The following CYRIB variants were observed in gnomAD, a reference collection of about 807,000 sequenced individuals.
CYRIB encodes the protein CYFIP-related Rac1 interactor B.
A neutral mutation model predicts 44.2 loss-of-function variants in CYRIB; 8 were observed. The ratio of observed to expected loss-of-function variants is 0.18; its 90% confidence interval spans 0.11 to 0.33. The LOEUF (loss-of-function observed/expected upper bound fraction) is 0.33, where lower values mean the gene tolerates loss of function less well. CYRIB is among the 10% of genes least tolerant of loss of function. The probability of loss-of-function intolerance (pLI) is 1.00; values close to 1 mark genes in which losing one functional copy is unlikely to be tolerated. For missense variants in CYRIB, 185 were observed against 382.8 expected (o/e 0.48, Z 4.31); for synonymous variants, 131 against 127.2 (o/e 1.03, Z -0.20).
chr8:130,002,386 G>C (rs2096926950), intron 1 of CYRIB, among the ~76,000 whole-genome samples: 1 of 152,144 alleles, frequency 6.6e-6, no homozygotes, highest in Non-Finnish European at 1.5e-5. Flanking sequence ...ACCTGAGCCA[G>C]AGAGGTCGAG....
chr8:129,901,081 C>T (rs2071471618), intron 2 of CYRIB, among the ~76,000 whole-genome samples: 1 of 152,216 alleles, frequency 6.6e-6, no homozygotes, highest in Non-Finnish European at 1.5e-5. Flanking sequence ...TTTGGGACTA[C>T]AGCCTGGGAC....
At chr8:129,915,855 T>C (rs1218631914) in intron 1 of CYRIB, among the ~76,000 whole-genome samples, 2 of 152,168 alleles carry the variant, frequency 1.3e-5, no homozygotes, top group Non-Finnish European at 2.9e-5. Flanking sequence ...ATCTAATGCC[T>C]AGAGTCTCCA....
intron 1 of CYRIB, among the ~76,000 whole-genome samples, chr8:129,995,537 G>A (rs1012880361): frequency 3.3e-5 from 5 of 152,182 alleles, no homozygotes; most frequent in African/African-American, 9.7e-5. Flanking sequence ...GCCTGGCCTC[G>A]TGCTGGGCAC....
intron 2 of CYRIB, among the ~76,000 whole-genome samples, chr8:129,888,031 G>T (rs1215431189): frequency 1.3e-5 from 2 of 152,152 alleles, no homozygotes; most frequent in African/African-American, 4.8e-5. Context: ...ATGTGAGAAG[G>T]TCATGAGATT....
chr8:129,937,660 G>A (rs2093047869), intron 1 of CYRIB, among the ~76,000 whole-genome samples: 1 of 152,142 alleles, frequency 6.6e-6, no homozygotes, highest in Non-Finnish European at 1.5e-5. Flanking sequence ...TTCTGGGGCA[G>A]CTAGAATTAA....
intron 2 of CYRIB, among the ~76,000 whole-genome samples, chr8:129,888,462 T>C (rs1322901193): frequency 6.6e-6 from 1 of 152,222 alleles, no homozygotes; most frequent in Non-Finnish European, 1.5e-5. Flanking sequence ...CGACACACTC[T>C]GGCCTCATCT....
intron 1 of CYRIB, among the ~76,000 whole-genome samples, chr8:130,009,204 C>T (rs1466186600): frequency 2.6e-5 from 4 of 152,182 alleles, no homozygotes; most frequent in South Asian, 2.1e-4. Context: ...TTTTCAAAGG[C>T]GCCAACCACT....
intron 1 of CYRIB, chr8:130,004,672 T>C (rs2096993699): frequency 2.0e-5 from 3 of 152,180 alleles, no homozygotes; most frequent in Non-Finnish European, 2.9e-5. Flanking sequence ...CTTTTATGCA[T>C]TGACTCACTG....
At chr8:129,971,724 C>T (rs992634969) in intron 1 of CYRIB, among the ~76,000 whole-genome samples, 15 of 152,124 alleles carry the variant, frequency 9.9e-5, no homozygotes, top group East Asian at 3.9e-4. Flanking sequence ...GAGTTTAAAA[C>T]GGTCTTAGTC....
intron 1 of CYRIB, among the ~76,000 whole-genome samples, chr8:129,998,568 C>T (rs1195682784): frequency 6.6e-6 from 1 of 152,058 alleles, no homozygotes; most frequent in Non-Finnish European, 1.5e-5. Context: ...ACGAAATTTC[C>T]CATTGGTGCT....
At chr8:129,848,383 C>G (rs900348341) in intron 10 of CYRIB, among the ~76,000 whole-genome samples, 8 of 152,300 alleles carry the variant, frequency 5.3e-5, no homozygotes, top group African/African-American at 1.9e-4. Context: ...TCACCAAACA[C>G]TAATGAACTA....
At chr8:130,002,156 G>A (rs1051947002) in intron 1 of CYRIB, among the ~76,000 whole-genome samples, 6 of 152,126 alleles carry the variant, frequency 3.9e-5, no homozygotes, top group African/African-American at 1.4e-4. Context: ...AGTATTTTAG[G>A]TTTCTTAGAG....
At chr8:129,886,443 T>A (rs1157023058) in intron 2 of CYRIB, among the ~76,000 whole-genome samples, 2 of 152,232 alleles carry the variant, frequency 1.3e-5, no homozygotes, top group South Asian at 4.1e-4. Flanking sequence ...AATACATTTA[T>A]TTCTTCCATC....
At chr8:129,852,746 G>A (rs1176843961) in intron 7 of CYRIB, among the ~76,000 whole-genome samples, 1 of 152,162 alleles carries the variant, frequency 6.6e-6, no homozygotes, top group Admixed American at 6.5e-5. Context: ...ATCTGGCAGG[G>A]GAAAGAGTAT....
intron 1 of CYRIB, among the ~76,000 whole-genome samples, chr8:129,990,091 A>G (rs1300355606): frequency 1.3e-5 from 2 of 152,108 alleles, no homozygotes; most frequent in East Asian, 1.9e-4. Context: ...CCTCAGTTTT[A>G]GAGCACTTCC....
chr8:129,892,357 T>C (rs140678294), intron 2 of CYRIB, among the ~76,000 whole-genome samples: 3 of 152,366 alleles, frequency 2.0e-5, no homozygotes, highest in Admixed American at 2.0e-4. Context: ...TGAATTCATT[T>C]TGCAAACATT....
chr8:129,997,067 AGGGAGGGAG>A (rs1311841470), intron 1 of CYRIB, among the ~76,000 whole-genome samples: 10 of 81,518 alleles, frequency 1.2e-4, no homozygotes, highest in African/African-American at 4.2e-4. Context: ...GGAGGGAGGG[AGGGAGGGAG>A]GGAGGGAGGG....
intron 1 of CYRIB, among the ~76,000 whole-genome samples, chr8:130,004,835 C>T (rs2097004377): frequency 6.8e-6 from 1 of 147,670 alleles, no homozygotes; most frequent in African/African-American, 2.5e-5. Context: ...GGCACAATCT[C>T]GGCTCACTGC....
At chr8:129,979,422 A>G (rs2096112313) in intron 1 of CYRIB, among the ~76,000 whole-genome samples, 1 of 152,168 alleles carries the variant, frequency 6.6e-6, no homozygotes, top group South Asian at 2.1e-4. Context: ...AGGTTCTTTT[A>G]TTCACAAACT....
Sources: allele counts gnomAD v4.1 joint callset (sites outside exome capture counted in the v4.1 genomes callset), GRCh38; gene constraint gnomAD v4.1.1; transcripts MANE v1.5; gene names NCBI Gene and HGNC (gene_info 2026-07-23, HGNC 2026-07-21).